The following MAP4 variants were observed in gnomAD, a reference collection of about 807,000 sequenced individuals.
MAP4 encodes microtubule associated protein 4.
A neutral mutation model predicts 170.2 loss-of-function variants in MAP4; 76 were observed. That is an observed-to-expected ratio of 0.45 (90% CI 0.37 to 0.54). The LOEUF (loss-of-function observed/expected upper bound fraction) is 0.54. Ranked by LOEUF, MAP4 falls within the 20% of genes least tolerant of loss-of-function variation. The probability of loss-of-function intolerance (pLI) is 0.00; values close to 1 mark genes in which losing one functional copy is unlikely to be tolerated. For synonymous variants in MAP4, 909 were observed against 994.5 expected (o/e 0.91, Z 1.62); for missense variants, 2,506 against 2,748.0 (o/e 0.91, Z 1.97).
intron 8 of MAP4, among the ~76,000 whole-genome samples, chr3:47,913,056 A>T (rs898080243): frequency 6.6e-6 from 1 of 152,230 alleles, no homozygotes; most frequent in Non-Finnish European, 1.5e-5. Context: ...TGAAAGACAA[A>T]TATGTTAAAT....
At chr3:47,935,479 T>C (rs1338928788) in intron 3 of MAP4, among the ~76,000 whole-genome samples, 3 of 152,194 alleles carry the variant, frequency 2.0e-5, no homozygotes, top group African/African-American at 4.8e-5. Context: ...TCTGCCTGAA[T>C]GCCTTCTAAA....
intron 1 of MAP4, among the ~76,000 whole-genome samples, chr3:48,014,661 A>G (rs1036599581): frequency 2.6e-5 from 4 of 151,920 alleles, no homozygotes; most frequent in African/African-American, 9.6e-5. Flanking sequence ...CCTGACTCAA[A>G]AAAAAAAAGC....
intron 10 of MAP4, among the ~76,000 whole-genome samples, chr3:47,881,203 A>G (rs1312771716): frequency 6.6e-6 from 1 of 151,572 alleles, no homozygotes; most frequent in Non-Finnish European, 1.5e-5. Context: ...TAATCCCAGC[A>G]CTTTGGGAGG....
At chr3:48,044,806 A>C (rs1035435864) in intron 1 of MAP4, among the ~76,000 whole-genome samples, 2 of 151,918 alleles carry the variant, frequency 1.3e-5, no homozygotes, top group Non-Finnish European at 2.9e-5. Context: ...AATATTACCC[A>C]GGGGTGGTGG....
chr3:47,984,364 T>C (rs2100087297), intron 2 of MAP4, among the ~76,000 whole-genome samples: 1 of 152,242 alleles, frequency 6.6e-6, no homozygotes, highest in Non-Finnish European at 1.5e-5. Flanking sequence ...GACTTTCATA[T>C]AAGATGCAGC....
At chr3:47,858,937 G>A (rs991951474) in intron 17 of MAP4, among the ~76,000 whole-genome samples, 10 of 152,172 alleles carry the variant, frequency 6.6e-5, no homozygotes, top group African/African-American at 2.4e-4. Context: ...GACCATCCTG[G>A]CTAACATGGT....
At chr3:47,969,363 G>A (rs1410562891) in intron 3 of MAP4, among the ~76,000 whole-genome samples, 1 of 150,702 alleles carries the variant, frequency 6.6e-6, no homozygotes, top group Non-Finnish European at 1.5e-5. Flanking sequence ...CCAAGATCAC[G>A]CCATTGCACT....
At chr3:47,994,911 T>C (rs887535821) in intron 2 of MAP4, among the ~76,000 whole-genome samples, 2 of 149,326 alleles carry the variant, frequency 1.3e-5, no homozygotes, top group African/African-American at 2.5e-5. Context: ...ATCGTGCCAC[T>C]GCACTCCAGC....
At chr3:47,991,661 T>C (rs973976153) in intron 2 of MAP4, among the ~76,000 whole-genome samples, 2 of 151,968 alleles carry the variant, frequency 1.3e-5, no homozygotes, top group Non-Finnish European at 2.9e-5. Context: ...GGAAAGAATC[T>C]GTCTTTTCTT....
intron 2 of MAP4, 96 bp from the exon 3 acceptor site, chr3:47,978,029 G>C: frequency 1.3e-6 from 1 of 794,894 alleles, no homozygotes; most frequent in Non-Finnish European, 2.2e-6. Context: ...CTCACTCTTT[G>C]TAGCATTAGG....
intron 16 of MAP4, among the ~76,000 whole-genome samples, chr3:47,867,985 G>C (rs1398840765): frequency 6.6e-6 from 1 of 152,178 alleles, no homozygotes; most frequent in African/African-American, 2.4e-5. Flanking sequence ...TTTGTCTCAG[G>C]GCTCGAGAAG....
At chr3:47,949,297 C>A (rs559354156) in intron 3 of MAP4, among the ~76,000 whole-genome samples, 289 of 151,960 alleles carry the variant, frequency 1.9e-3, no homozygotes, top group Non-Finnish European at 3.4e-3. Flanking sequence ...GAAACCCCGT[C>A]TCTACTAAGA....
At chr3:47,989,436 A>G (rs1051135478) in intron 2 of MAP4, among the ~76,000 whole-genome samples, 4 of 152,202 alleles carry the variant, frequency 2.6e-5, no homozygotes, top group South Asian at 4.1e-4. Flanking sequence ...CTAAATAGTA[A>G]TTGTTATTCT....
chr3:47,853,127 C>T, intron 20 of MAP4, 36 bp downstream of exon 20: 1 of 1,612,110 alleles, frequency 6.2e-7, no homozygotes, highest in Non-Finnish European at 8.5e-7. Flanking sequence ...GTGGCAGGGC[C>T]CCTGGCTGGC....
chr3:48,064,934 A>G (rs1413649932), intron 1 of MAP4, among the ~76,000 whole-genome samples: 1 of 152,158 alleles, frequency 6.6e-6, no homozygotes, highest in Admixed American at 6.6e-5. Flanking sequence ...AAAAATTTTC[A>G]GCTCCACTAT....
At position 47,978,726 on chromosome 3, in the gene MAP4, G is replaced by A. The variant is rs1238064167; in HGVS notation, c.224-793C>T. ...AACCAGCTGTATTTCTGGAAGCAGA[G>A]GACTCCTTTTTTTTTTTCCCTCTTT... On this transcript the variant is annotated intron_variant, in intron 2 of 20. Transcript: ENST00000683076. Among the ~76,000 whole-genome samples the A allele has an allele frequency of 2.6e-5, 4 of 151,036 alleles. No homozygotes were observed. The East Asian group carries it at 7.8e-4, about 29-fold the overall frequency.
Position 47,911,905 on chromosome 3 carries a change from G to C in MAP4, c.2516C>G (p.Ser839Cys), listed in dbSNP as rs1393654399. The change falls in exon 9 of 21, where the codon TCC (serine) becomes TGC (cysteine). Residue 839 changes from serine (S) to cysteine (C), a missense_variant. Ser to Cys is a moderately radical substitution (Grantham distance 112). Transcript: ENST00000683076. The surrounding 1 kb of genome is among the most constrained non-coding windows in gnomAD (Gnocchi z 4.0). ...ENLKRECLVN[S>C]SAARLVAENF... ...CTCAGCTACCAGTCTGGCTGCACTG[G>C]AGTTAACTAAACATTCCCTTTTCAA... 1 of 1,536,034 alleles carries C rather than the reference G, an allele frequency of 6.5e-7. No homozygotes were observed. The highest frequency in any genetic ancestry group is 1.4e-5 in the African/African-American group (1 of 73,130).
At chr3:47,903,173 T>C (rs1291918055) in intron 9 of MAP4, among the ~76,000 whole-genome samples, 173 bp from the exon 10 acceptor site, 1 of 152,194 alleles carries the variant, frequency 6.6e-6, no homozygotes, top group Admixed American at 6.5e-5. Context: ...GGAGCGGGTA[T>C]TGGAATCTAA....
chr3:48,072,571 A>G (rs1220316922), intron 1 of MAP4, among the ~76,000 whole-genome samples: 2 of 152,210 alleles, frequency 1.3e-5, no homozygotes, highest in African/African-American at 2.4e-5. Flanking sequence ...CCCTAGGGAA[A>G]TAATATATAA....
Sources: allele counts gnomAD v4.1 joint callset (sites outside exome capture counted in the v4.1 genomes callset), GRCh38; gene constraint gnomAD v4.1.1; non-coding constraint Gnocchi (gnomAD v3.1); transcripts MANE v1.5; gene names NCBI Gene and HGNC (gene_info 2026-07-23, HGNC 2026-07-21).